The following PREPL variants were observed in gnomAD, a reference collection of about 807,000 sequenced individuals.
The protein encoded by PREPL is prolyl endopeptidase like.
A neutral mutation model predicts 70.6 loss-of-function variants in PREPL; 77 were observed. That is an observed-to-expected ratio of 1.09 (90% CI 0.91 to 1.32). PREPL has a LOEUF of 1.32. Among genes scored for constraint, PREPL ranks in the 40% most tolerant of loss-of-function variants. The pLI, the probability that PREPL is intolerant of heterozygous loss-of-function variation, is 0.00. For synonymous variants in PREPL, 315 were observed against 264.8 expected (o/e 1.19, Z -1.84); for missense variants, 1,002 against 778.2 (o/e 1.29, Z -3.42).
Position 44,321,237 on chromosome 2 carries a change from T to A in PREPL, c.*119A>T. Reference sequence around the variant, plus strand: ...AGCAAAATTTAGATGGAGAAGCACATTTTAAAAAATTAATAACTTAAAAGT... The same window carrying A: ...AGCAAAATTTAGATGGAGAAGCACAATTTAAAAAATTAATAACTTAAAAGT... On this transcript the variant is annotated 3_prime_UTR_variant, in exon 14 of 14. Coordinates refer to ENST00000409411, the MANE Select transcript of PREPL (RefSeq NM_001171613.2). 2 of 903,748 alleles carry A rather than the reference T, an allele frequency of 2.2e-6. No homozygotes were observed. The highest frequency in any genetic ancestry group is 3.3e-6 in the Non-Finnish European group (2 of 597,698). The allele number at this position is 903,748 out of a possible 1,614,324, so 56.0% of individuals were successfully genotyped here.
chr2:44,329,782 C>G (rs1298024477), intron 8 of PREPL, among the ~76,000 whole-genome samples: 1 of 152,142 alleles, frequency 6.6e-6, no homozygotes, highest in Non-Finnish European at 1.5e-5. Flanking sequence ...AACCATCCCC[C>G]AATGTAGCTC....
rs563423774 is a variant in PREPL, at chr2:44,331,624, A to G, written c.1086+835T>C. Among the ~76,000 whole-genome samples the G allele has an allele frequency of 2.2e-3, 338 of 152,292 alleles. 1 individual carries two copies. The highest frequency in any genetic ancestry group is 7.7e-3 in the African/African-American group (321 of 41,570). ...TCATCCTAGTGGTCTTACCTGAGAC[A>G]TAACTTCCTTGGAGAAAACTTCCCT... On this transcript the variant is annotated intron_variant, in intron 8 of 13. Transcript: ENST00000409411.
At chr2:44,351,805 G>C (rs1359670990) in intron 1 of PREPL, among the ~76,000 whole-genome samples, 1 of 152,100 alleles carries the variant, frequency 6.6e-6, no homozygotes, top group Non-Finnish European at 1.5e-5. Flanking sequence ...CTTGCCTCCT[G>C]GTCTATTTTC....
rs539697820 is a variant in PREPL at position 44,334,638 on chromosome 2, C to T, written c.889-1982G>A. Among the ~76,000 whole-genome samples the T allele has an allele frequency of 6.6e-5, 10 of 152,284 alleles. No individual in the cohort carries two copies. The South Asian group carries it at 2.1e-3, about 32-fold the overall frequency. On this transcript the variant is annotated intron_variant, in intron 7 of 13. Coordinates refer to ENST00000409411, the MANE Select transcript of PREPL (RefSeq NM_001171613.2). ...TCGGCTCACTGCAGCCTCCAGCTCTCGGCTTCAAGTGACTCTCCTGCCTCA... is the reference window on the plus strand; with the variant it reads ...TCGGCTCACTGCAGCCTCCAGCTCTTGGCTTCAAGTGACTCTCCTGCCTCA...
Position 44,329,080 on chromosome 2 carries a change from G to A in PREPL, c.1119C>T (p.His373=), listed in dbSNP as rs952626706. The change falls in exon 9 of 14, where the codon CAC becomes CAT. Residue 373 remains histidine, a synonymous_variant. Transcript: ENST00000409411. ...DGKLVPMTVF[H]KTDSEDLQKK... is the part of the protein sequence containing the mutation. Reference sequence around the variant, plus strand: ...TCTGCAAGTCCTCAGAGTCAGTTTTGTGGAAAACAGTCATTGGCACTAATT... The same window carrying A: ...TCTGCAAGTCCTCAGAGTCAGTTTTATGGAAAACAGTCATTGGCACTAATT... The A allele has an allele frequency of 6.2e-7, 1 of 1,607,756 alleles. No homozygotes were observed. Among genetic ancestry groups the A allele is most frequent in the Non-Finnish European group, 8.5e-7 (1 of 1,174,742 alleles).
chr2:44,318,475 A>G lies in PREPL; in HGVS notation c.*2881T>C, dbSNP rs1161513831. 1.2e-5 allele frequency: 2 copies of G among 167,958 alleles called. No individual in the cohort carries two copies. The highest frequency in any genetic ancestry group is 4.8e-5 in the African/African-American group (2 of 41,570). 10.4% of individuals were successfully genotyped at this position (167,958 alleles called of 1,614,324 possible). Reference sequence around the variant, plus strand: ...AACCAGTTCTATCAACTATGGGCCCAGTATGCAGCTTTTAAAAATGACAGT... The same window carrying G: ...AACCAGTTCTATCAACTATGGGCCCGGTATGCAGCTTTTAAAAATGACAGT... On this transcript the variant is annotated 3_prime_UTR_variant, in exon 14 of 14. Coordinates refer to ENST00000409411, the MANE Select transcript of PREPL (RefSeq NM_001171613.2).
intron 8 of PREPL, 87 bp from the exon 9 acceptor site, chr2:44,329,199 G>T: frequency 9.2e-7 from 1 of 1,089,360 alleles, no homozygotes. Context: ...GAGGTGCACT[G>T]TCCCCACTTG....
At chr2:44,359,549 G>A in intron 1 of PREPL, 1 of 1,613,180 alleles carries the variant, frequency 6.2e-7, no homozygotes, top group Non-Finnish European at 8.5e-7. Context: ...TGATATCTTG[G>A]GTTTATTCTG....
chr2:44,343,684 A>T, intron 4 of PREPL, 61 bp downstream of exon 4: 1 of 1,485,820 alleles, frequency 6.7e-7, no homozygotes. Context: ...CGACAAAAAA[A>T]TGTTTCAAAA....
At chr2:44,333,156 C>G (rs921658761) in intron 7 of PREPL, among the ~76,000 whole-genome samples, 2 of 152,202 alleles carry the variant, frequency 1.3e-5, no homozygotes, top group South Asian at 4.1e-4. Flanking sequence ...ACGGGCTCAG[C>G]AGCATTAAGG....
At chr2:44,345,692 A>C (rs1675725865) in intron 2 of PREPL, among the ~76,000 whole-genome samples, 1 of 152,204 alleles carries the variant, frequency 6.6e-6, no homozygotes, top group South Asian at 2.1e-4. Flanking sequence ...TGATAACCAT[A>C]AAATGGTTAA....
rs759643353 is a variant in PREPL, at chr2:44,321,866, C to G, written c.1788G>C (p.Gln596His). Reference protein sequence around the residue: ...YQTPNIILDIQPGGNHVIEDS... With the variant: ...YQTPNIILDIHPGGNHVIEDS... ...CCTCAATTACATGATTGCCTCCAGG[C>G]TGAATATCTAGAATAATATTAGGGG... is the stretch of plus-strand genomic sequence containing the variant. The change falls in exon 13 of 14, where the codon CAG (glutamine) becomes CAC (histidine). Residue 596 changes from glutamine to histidine, a missense_variant. Coordinates refer to ENST00000409411, the MANE Select transcript of PREPL (RefSeq NM_001171613.2). The G allele has an allele frequency of 1.2e-6, 2 of 1,613,678 alleles. No homozygotes were observed. The highest frequency in any genetic ancestry group is 1.7e-5 in the Admixed American group (1 of 59,990).
At position 44,321,228 on chromosome 2, in the gene PREPL, A is replaced by T. The variant is rs905940502; in HGVS notation, c.*128T>A. 2.4e-6 allele frequency: 2 copies of T among 820,836 alleles called. No homozygotes were observed. The highest frequency in any genetic ancestry group is 3.5e-5 in the African/African-American group (2 of 57,618). 50.8% of individuals were successfully genotyped at this position (820,836 alleles called of 1,614,324 possible). A position where few individuals can be genotyped will look rare whatever the true frequency, so the allele number is the denominator to read the frequency against. On this transcript the variant is annotated 3_prime_UTR_variant, in exon 14 of 14. Transcript: ENST00000409411. ...TGTAGACTAAGCAAAATTTAGATGG[A>T]GAAGCACATTTTAAAAAATTAATAA...
intron 8 of PREPL, 134 bp downstream of exon 8, chr2:44,332,325 C>G (rs1310273408): frequency 1.4e-6 from 1 of 706,176 alleles, no homozygotes; most frequent in East Asian, 2.8e-5. Context: ...TCCCTAAAGT[C>G]ACTTGGGTAT....
rs999675947 is a variant in PREPL at position 44,320,324 on chromosome 2, G to A, written c.*1032C>T. 8 of 1,614,136 alleles carry A rather than the reference G, an allele frequency of 5.0e-6. No individual in the cohort carries two copies. Among genetic ancestry groups the A allele is most frequent in the East Asian group, 4.5e-5 (2 of 44,884 alleles). Reference sequence around the variant, plus strand: ...TGAGGAATGACAGCCACTATGTTGTGTACACAAGAGAGCTGGATGGCATCG... The same window carrying A: ...TGAGGAATGACAGCCACTATGTTGTATACACAAGAGAGCTGGATGGCATCG... On this transcript the variant is annotated 3_prime_UTR_variant, in exon 14 of 14. Transcript: ENST00000409411.
At chr2:44,359,120 G>C (rs1482684402) in intron 1 of PREPL, among the ~76,000 whole-genome samples, 3 of 140,468 alleles carry the variant, frequency 2.1e-5, no homozygotes, top group Non-Finnish European at 4.5e-5. Context: ...CCAGGCTGGA[G>C]TGCTGTGGTG....
At chr2:44,330,131 T>C (rs1167355650) in intron 8 of PREPL, among the ~76,000 whole-genome samples, 2 of 152,224 alleles carry the variant, frequency 1.3e-5, no homozygotes, top group Admixed American at 1.3e-4. Context: ...TTATAAAACT[T>C]GATGTAGATT....
At chr2:44,350,820 G>C (rs193114228) in intron 1 of PREPL, among the ~76,000 whole-genome samples, 204 of 152,226 alleles carry the variant, frequency 1.3e-3, no homozygotes, top group African/African-American at 4.8e-3. Flanking sequence ...GACCTGTCAG[G>C]ATCATGATAC....
intron 1 of PREPL, chr2:44,360,007 C>T: frequency 6.0e-6 from 2 of 332,592 alleles, no homozygotes; most frequent in African/African-American, 2.1e-5. Context: ...TCAAACTATG[C>T]AGCACTGACT....
Sources: allele counts gnomAD v4.1 joint callset (sites outside exome capture counted in the v4.1 genomes callset), GRCh38; gene constraint gnomAD v4.1.1; transcripts MANE v1.5; gene names NCBI Gene and HGNC (gene_info 2026-07-23, HGNC 2026-07-21).